The following NAV2 variants were observed in gnomAD, a reference collection of about 807,000 sequenced individuals.
The protein encoded by NAV2 is helicase, APC down-regulated 1.
A neutral mutation model predicts 223.2 loss-of-function variants in NAV2; 54 were observed. The observed-to-expected ratio is 0.24, with a 90% CI of 0.19 to 0.30. The LOEUF (loss-of-function observed/expected upper bound fraction) is 0.30. NAV2 is among the 10% of genes least tolerant of loss of function. The pLI is 1.00. For missense variants in NAV2, 2,806 were observed against 3,147.5 expected (o/e 0.89, Z 2.60); for synonymous variants, 1,279 against 1,239.3 (o/e 1.03, Z -0.67).
intron 1 of NAV2, among the ~76,000 whole-genome samples, chr11:19,533,961 C>T (rs556291667): frequency 1.3e-5 from 2 of 151,402 alleles, no homozygotes; most frequent in East Asian, 3.9e-4. Flanking sequence ...CCGCCTCGGC[C>T]TCCCAAAGTG....
chr11:19,505,977 G>A (rs1344659802), intron 1 of NAV2: 1 of 152,184 alleles, frequency 6.6e-6, no homozygotes, highest in African/African-American at 2.4e-5. Flanking sequence ...CACCCAGAAG[G>A]TCACTGCACA....
chr11:19,777,528 A>G (rs1471203110), intron 1 of NAV2: 11 of 454,138 alleles, frequency 2.4e-5, no homozygotes, highest in Non-Finnish European at 4.9e-5. Context: ...GTAAGGGTGG[A>G]TTGCAGACCG....
chr11:19,473,734 A>G (rs2042033725), intron 1 of NAV2, among the ~76,000 whole-genome samples: 1 of 151,994 alleles, frequency 6.6e-6, no homozygotes, highest in Admixed American at 6.6e-5. Context: ...AAGGACTGAT[A>G]GGCCTATCCC....
intron 1 of NAV2, among the ~76,000 whole-genome samples, chr11:19,618,668 G>A (rs2135395451): frequency 6.6e-6 from 1 of 152,258 alleles, no homozygotes; most frequent in Non-Finnish European, 1.5e-5. Flanking sequence ...ACATGCAGAT[G>A]GGGCCAGACA....
intron 11 of NAV2, among the ~76,000 whole-genome samples, chr11:20,021,334 A>G (rs1273691014): frequency 6.6e-6 from 1 of 152,228 alleles, no homozygotes; most frequent in African/African-American, 2.4e-5. Context: ...ATGAATGAAT[A>G]AATGAATACA....
At chr11:19,584,599 A>C (rs1419523338) in intron 1 of NAV2, among the ~76,000 whole-genome samples, 2 of 152,198 alleles carry the variant, frequency 1.3e-5, no homozygotes, top group African/African-American at 4.8e-5. Context: ...CATTGGTTTC[A>C]AAGAACATCT....
At chr11:19,348,303 G>C (rs1853110855), upstream of NAV2, among the ~76,000 whole-genome samples, 1 of 152,194 alleles carries the variant, frequency 6.6e-6, no homozygotes, top group South Asian at 2.1e-4. Context: ...TTCCAAGCAG[G>C]AGACCCTTTT....
intron 37 of NAV2, among the ~76,000 whole-genome samples, chr11:20,115,631 CAAAAAAAAAAAAA>C (rs386373266): frequency 4.2e-5 from 2 of 47,864 alleles, no homozygotes; most frequent in African/African-American, 1.6e-4. Context: ...GACTCCGTCT[CAAAAAAAAAAAAA>C]AAAAAAAAAA....
chr11:19,470,157 C>T (rs1481993675), intron 1 of NAV2, among the ~76,000 whole-genome samples: 1 of 152,224 alleles, frequency 6.6e-6, no homozygotes, highest in African/African-American at 2.4e-5. Context: ...CCTGATCACT[C>T]ATGTAGGTGT....
intron 1 of NAV2, among the ~76,000 whole-genome samples, chr11:19,512,976 T>C (rs1183359559): frequency 6.6e-6 from 1 of 152,130 alleles, no homozygotes; most frequent in Non-Finnish European, 1.5e-5. Flanking sequence ...TGGAAATATG[T>C]AGGGGAGCCC....
intron 1 of NAV2, among the ~76,000 whole-genome samples, chr11:19,717,001 G>A (rs1171590728): frequency 6.6e-6 from 1 of 152,204 alleles, no homozygotes; most frequent in African/African-American, 2.4e-5. Flanking sequence ...TCTGGCACTA[G>A]ATCCCATGTC....
At chr11:19,637,667 T>A (rs1261074875) in intron 1 of NAV2, among the ~76,000 whole-genome samples, 9 of 152,170 alleles carry the variant, frequency 5.9e-5, no homozygotes, top group Non-Finnish European at 1.5e-5. Context: ...GTGGCAAGAA[T>A]TGGAGCAAGG....
chr11:19,932,277 A>C (rs1445861553), intron 6 of NAV2, among the ~76,000 whole-genome samples: 2 of 151,856 alleles, frequency 1.3e-5, no homozygotes, highest in African/African-American at 4.8e-5. Flanking sequence ...AAAGGAAAAA[A>C]AAAAAGCTGT....
intron 1 of NAV2, among the ~76,000 whole-genome samples, chr11:19,437,705 T>C (rs543435288): frequency 1.4e-5 from 2 of 138,790 alleles, no homozygotes; most frequent in Middle Eastern, 3.8e-3. Context: ...TATGTGCCAC[T>C]CAGAAAAAAA....
chr11:19,361,801 T>C (rs1853966920), intron 1 of NAV2, among the ~76,000 whole-genome samples: 2 of 152,112 alleles, frequency 1.3e-5, no homozygotes, highest in African/African-American at 4.8e-5. Flanking sequence ...TGAAAAAAAA[T>C]CTAATTTCTG....
intron 1 of NAV2, among the ~76,000 whole-genome samples, chr11:19,729,796 C>A (rs1656731138): frequency 6.6e-6 from 1 of 152,136 alleles, no homozygotes; most frequent in Non-Finnish European, 1.5e-5. Context: ...AAGTCTGAAC[C>A]AAGACATCCC....
At chr11:19,558,184 C>G (rs190039800) in intron 1 of NAV2, among the ~76,000 whole-genome samples, 1 of 152,292 alleles carries the variant, frequency 6.6e-6, no homozygotes, top group East Asian at 1.9e-4. Context: ...ACATTAGGCA[C>G]TTTTTCAGTT....
intron 14 of NAV2, 41 bp from the exon 15 acceptor site, chr11:20,048,687 C>A: frequency 6.4e-7 from 1 of 1,559,174 alleles, no homozygotes; most frequent in South Asian, 1.1e-5. Flanking sequence ...TGCCCCTTGG[C>A]ACTGGGTGTT....
chr11:19,470,477 G>T (rs2041928946), intron 1 of NAV2, among the ~76,000 whole-genome samples: 1 of 152,166 alleles, frequency 6.6e-6, no homozygotes, highest in South Asian at 2.1e-4. Flanking sequence ...ATCTTGTGAG[G>T]GCCTTCTTGC....
Sources: allele counts gnomAD v4.1 joint callset (sites outside exome capture counted in the v4.1 genomes callset), GRCh38; gene constraint gnomAD v4.1.1; transcripts MANE v1.5; gene names NCBI Gene and HGNC (gene_info 2026-07-23, HGNC 2026-07-21).